Variants in TENM3 observed in about 807,000 individuals in gnomAD.
TENM3 encodes teneurin-3.
TENM3 carries 63 observed loss-of-function variants against 255.1 expected under a neutral mutation model. The ratio of observed to expected loss-of-function variants is 0.25; its 90% CI spans 0.20 to 0.30. TENM3 has a LOEUF of 0.30. Among genes scored for constraint, TENM3 ranks in the 10% least tolerant of loss-of-function variants. The probability of loss-of-function intolerance (pLI) is 1.00; values close to 1 mark genes in which losing one functional copy is unlikely to be tolerated. For missense variants in TENM3, 2,929 were observed against 3,461.1 expected (o/e 0.85, Z 3.86); for synonymous variants, 1,306 against 1,322.3 (o/e 0.99, Z 0.27).
chr4:181,932,398 C>G, the TENM3 span, among the ~76,000 whole-genome samples: 17 of 152,046 alleles, frequency 1.1e-4, no homozygotes, highest in African/African-American at 3.9e-4. Context: ...ATGTGGCCAA[C>G]AAACATATGA....
chr4:182,037,145 C>CTTTTTTTTTTTTTTTTT, the TENM3 span, among the ~76,000 whole-genome samples: 9 of 114,920 alleles, frequency 7.8e-5, no homozygotes, highest in African/African-American at 2.4e-4. Flanking sequence ...ATCCAAACTC[C>CTTTTTTTTTTTTTTTTT]TTTTATTTTT....
At chr4:182,423,517 G>C (rs1015240521) in intron 3 of TENM3, among the ~76,000 whole-genome samples, 1 of 152,018 alleles carries the variant, frequency 6.6e-6, no homozygotes, top group Non-Finnish European at 1.5e-5. Context: ...TAAAAATGGA[G>C]TCAACAAAGC....
At chr4:181,778,226 G>T in the TENM3 span, among the ~76,000 whole-genome samples, 1 of 151,296 alleles carries the variant, frequency 6.6e-6, no homozygotes, top group Non-Finnish European at 1.5e-5. Flanking sequence ...TAGTACCTCC[G>T]CAGCAAAAAA....
chr4:182,665,979 G>T lies in TENM3; in HGVS notation c.1112-7026G>T, dbSNP rs570965678. On this transcript the variant is annotated intron_variant, in intron 6 of 27. Transcript: ENST00000511685. ...TATGATTCATGGGAAGAGGTCAAAA[G>T]ACTAACATTAGCAAGAGTTTGGAAC... is the stretch of plus-strand genomic sequence containing the variant. 3.3e-5 allele frequency among the ~76,000 whole-genome samples: 5 copies of T among 152,114 alleles called. No homozygotes were observed. The South Asian group carries it at 8.3e-4, about 25-fold the overall frequency.
the TENM3 span, among the ~76,000 whole-genome samples, chr4:181,883,597 C>T: frequency 6.6e-6 from 1 of 152,214 alleles, no homozygotes. Flanking sequence ...GCCTCAGCCT[C>T]CCGAGTAGCT....
the TENM3 span, among the ~76,000 whole-genome samples, chr4:181,889,712 C>A: frequency 6.6e-6 from 1 of 152,130 alleles, no homozygotes; most frequent in East Asian, 1.9e-4. Flanking sequence ...TGGAACTGTG[C>A]CTTCCATTGT....
the TENM3 span, among the ~76,000 whole-genome samples, chr4:181,597,612 A>G: frequency 6.6e-6 from 1 of 152,278 alleles, no homozygotes; most frequent in South Asian, 2.1e-4. Flanking sequence ...GTATTGCCTA[A>G]TTGATATACC....
chr4:181,822,297 T>C, the TENM3 span, among the ~76,000 whole-genome samples: 1 of 152,206 alleles, frequency 6.6e-6, no homozygotes, highest in Admixed American at 6.5e-5. Context: ...AGTGAGTTTA[T>C]TACCTCTTGT....
At chr4:181,983,717 T>G in the TENM3 span, among the ~76,000 whole-genome samples, 11 of 152,126 alleles carry the variant, frequency 7.2e-5, no homozygotes, top group African/African-American at 2.4e-4. Context: ...TTTATTAGAA[T>G]ATATGCACTG....
intron 7 of TENM3, among the ~76,000 whole-genome samples, chr4:182,675,106 C>T (rs1755561085): frequency 6.6e-6 from 1 of 151,876 alleles, no homozygotes; most frequent in African/African-American, 2.4e-5. Flanking sequence ...GAACTCCCAA[C>T]CTCAGGTGAT....
At chr4:181,784,753 G>A in the TENM3 span, among the ~76,000 whole-genome samples, 2 of 152,116 alleles carry the variant, frequency 1.3e-5, no homozygotes. Flanking sequence ...ATCCCAATGT[G>A]ATAATTCATG....
chr4:181,900,941 A>G, the TENM3 span, among the ~76,000 whole-genome samples: 70 of 152,048 alleles, frequency 4.6e-4, no homozygotes, highest in African/African-American at 1.6e-3. Flanking sequence ...ATGTGCACAC[A>G]CTCTCATTTC....
chr4:181,975,329 G>C, the TENM3 span: 2 of 151,960 alleles, frequency 1.3e-5, no homozygotes, highest in Non-Finnish European at 2.9e-5. Context: ...GTAGAGACAG[G>C]GTTTCGCCAT....
the TENM3 span, among the ~76,000 whole-genome samples, chr4:181,498,886 TTCTA>T: frequency 2.6e-5 from 4 of 152,208 alleles, no homozygotes; most frequent in Non-Finnish European, 4.4e-5. Flanking sequence ...AGATAATAAC[TTCTA>T]TCTTTTTTCT....
the TENM3 span, among the ~76,000 whole-genome samples, chr4:182,088,426 G>T: frequency 6.6e-6 from 1 of 152,164 alleles, no homozygotes; most frequent in African/African-American, 2.4e-5. Context: ...GGTACAGGCA[G>T]TGTCAAAGGC....
At chr4:182,515,080 A>G (rs1045230852) in intron 3 of TENM3, among the ~76,000 whole-genome samples, 1 of 152,248 alleles carries the variant, frequency 6.6e-6, no homozygotes, top group Non-Finnish European at 1.5e-5. Context: ...AAGACAATTT[A>G]TCATTTAAGC....
At chr4:182,247,116 A>C (rs1199294960) in intron 1 of TENM3, among the ~76,000 whole-genome samples, 1 of 152,240 alleles carries the variant, frequency 6.6e-6, no homozygotes, top group East Asian at 1.9e-4. Flanking sequence ...GAGTCGAGCT[A>C]GAATCTAATG....
chr4:182,216,600 A>G (rs757183191), intron 1 of TENM3, among the ~76,000 whole-genome samples: 1 of 152,264 alleles, frequency 6.6e-6, no homozygotes, highest in African/African-American at 2.4e-5. Context: ...GTGAGGATAC[A>G]GGCGTCATAG....
chr4:181,887,692 C>A, the TENM3 span, among the ~76,000 whole-genome samples: 1 of 152,214 alleles, frequency 6.6e-6, no homozygotes, highest in Non-Finnish European at 1.5e-5. Context: ...TGCACACGCT[C>A]TGATCAGCCT....
Sources: gnomAD v4.1 joint callset for allele counts (sites outside exome capture counted in the v4.1 genomes callset) on GRCh38, gnomAD v4.1.1 for gene constraint, MANE v1.5 for transcripts, NCBI Gene and HGNC (gene_info 2026-07-23, HGNC 2026-07-21) for gene names.